Variants in GNA14 observed in about 807,000 individuals in gnomAD.
GNA14 encodes the protein guanine nucleotide-binding protein subunit alpha-14.
GNA14 carries 50 observed loss-of-function variants against 42.0 expected under a neutral mutation model. The ratio of observed to expected loss-of-function variants is 1.19; its 90% CI spans 0.95 to 1.51. The LOEUF (loss-of-function observed/expected upper bound fraction) is 1.51. Ranked by LOEUF, GNA14 falls within the 40% of genes most tolerant of loss-of-function variation. The probability of loss-of-function intolerance (pLI) is 0.00; values close to 1 mark genes in which losing one functional copy is unlikely to be tolerated. For synonymous variants in GNA14, 173 were observed against 163.1 expected (o/e 1.06, Z -0.46); for missense variants, 473 against 446.2 (o/e 1.06, Z -0.54).
chr9:77,635,395 A>C (rs1824167919), intron 1 of GNA14: 1 of 152,180 alleles, frequency 6.6e-6, no homozygotes, highest in Admixed American at 6.5e-5. Context: ...CGCATATAAG[A>C]CCACTTGAAA....
chr9:77,580,779 CATG>C (rs962302112), intron 1 of GNA14, among the ~76,000 whole-genome samples: 8 of 152,292 alleles, frequency 5.3e-5, no homozygotes, highest in African/African-American at 1.9e-4. Context: ...AGGTGTTGTG[CATG>C]ATGTTTGGAT....
At chr9:77,646,166 G>T (rs1344052824) in intron 1 of GNA14, among the ~76,000 whole-genome samples, 1 of 152,110 alleles carries the variant, frequency 6.6e-6, no homozygotes, top group Non-Finnish European at 1.5e-5. Flanking sequence ...CTCCTAGGGG[G>T]GCCTCTTGGG....
chr9:77,449,125 A>G (rs1835867654), intron 2 of GNA14, among the ~76,000 whole-genome samples: 2 of 152,214 alleles, frequency 1.3e-5, no homozygotes, highest in South Asian at 2.1e-4. Context: ...TTGTGTTACA[A>G]CTGCCTACAG....
rs181928213 is a variant in GNA14, at chr9:77,560,766, A to C, written c.125-31513T>G. Among the ~76,000 whole-genome samples the C allele has an allele frequency of 2.0e-3, 312 of 152,330 alleles. 1 individual carries two copies. The highest frequency in any genetic ancestry group is 7.2e-3 in the African/African-American group (301 of 41,578). On this transcript the variant is annotated intron_variant, in intron 1 of 6. Coordinates refer to ENST00000341700, the MANE Select transcript of GNA14 (RefSeq NM_004297.4). Reference sequence around the variant, plus strand: ...GAGTAGCCAAAGCACAGAACTTTGCAGAAAGACAATGCCTAATGCCTCACC... The same window carrying C: ...GAGTAGCCAAAGCACAGAACTTTGCCGAAAGACAATGCCTAATGCCTCACC...
At chr9:77,632,929 T>C (rs937146762) in intron 1 of GNA14, among the ~76,000 whole-genome samples, 2 of 152,180 alleles carry the variant, frequency 1.3e-5, no homozygotes, top group African/African-American at 2.4e-5. Context: ...ACAAGCTCAA[T>C]GGGCCTTAGC....
chr9:77,467,879 C>G (rs1001687612), intron 2 of GNA14, among the ~76,000 whole-genome samples: 6 of 152,014 alleles, frequency 3.9e-5, no homozygotes, highest in African/African-American at 1.4e-4. Flanking sequence ...TTTCTTGCCC[C>G]CTCTTGGCAT....
chr9:77,606,896 TATCTTATTATAAGA>T, intron 1 of GNA14, among the ~76,000 whole-genome samples: 1 of 152,282 alleles, frequency 6.6e-6, no homozygotes, highest in Admixed American at 6.5e-5. Context: ...GGTTGGGATT[TATCTTATTATAAGA>T]ACAGGAAGAG....
intron 2 of GNA14, among the ~76,000 whole-genome samples, chr9:77,510,329 C>A (rs941933688): frequency 2.0e-5 from 3 of 152,046 alleles, no homozygotes; most frequent in African/African-American, 7.2e-5. Context: ...AGTATATGGA[C>A]GTTGCACACT....
At chr9:77,606,736 A>G (rs1376434275) in intron 1 of GNA14, among the ~76,000 whole-genome samples, 1 of 152,006 alleles carries the variant, frequency 6.6e-6, no homozygotes, top group Admixed American at 6.6e-5. Flanking sequence ...AACATCTTCA[A>G]CCTCCTTAAG....
chr9:77,620,161 C>CTAT (rs1287033872), intron 1 of GNA14, among the ~76,000 whole-genome samples: 2 of 152,116 alleles, frequency 1.3e-5, no homozygotes, highest in Non-Finnish European at 2.9e-5. Flanking sequence ...AAGCTTTCCA[C>CTAT]TATTGTTGAA....
Position 77,424,131 on chromosome 9 carries a change from G to T in GNA14, c.916C>A (p.Leu306Met). ...QDVRAARDFI[L>M]KLYQDQNPDK... ...GGATTCTGATCTTGGTAAAGCTTCA[G>T]GATAAAGTCTCTGGCAGCTCTGACA... is the stretch of plus-strand genomic sequence containing the variant. Residue 306 changes from leucine (L) to methionine (M), a missense_variant, in exon 7 of 7, where the codon CTG becomes ATG. Leu to Met is a conservative substitution (Grantham distance 15). Coordinates refer to ENST00000341700, the MANE Select transcript of GNA14 (RefSeq NM_004297.4). 1.9e-6 allele frequency: 3 copies of T among 1,612,528 alleles called. No individual in the cohort carries two copies. The Admixed American group carries it at 5.0e-5, about 27-fold the overall frequency.
In GNA14 at chr9:77,534,748, C is replaced by A. The variant is rs185425845; in HGVS notation, c.125-5495G>T. Among the ~76,000 whole-genome samples, 117 of 152,286 alleles carry A rather than the reference C, an allele frequency of 7.7e-4. 2 individuals carry two copies. The Middle Eastern group carries it at 0.01, about 13-fold the overall frequency. ...CGGATGTGACCAGCAGGTTGGCTCT[C>A]TAAGGACAGGGATCTTTTTTTTTCT... On this transcript the variant is annotated intron_variant, in intron 1 of 6. Coordinates refer to ENST00000341700, the MANE Select transcript of GNA14 (RefSeq NM_004297.4).
Position 77,639,079 on chromosome 9 carries a change from C to T in GNA14, c.124+8591G>A, listed in dbSNP as rs559901577. ...ATTTTAGTTTTTGAGTTTGCCTTTA[C>T]CAATCCATTTAGGAAAAGTTATTTT... On this transcript the variant is annotated intron_variant, in intron 1 of 6. Transcript: ENST00000341700. Among the ~76,000 whole-genome samples the T allele has an allele frequency of 5.9e-5, 9 of 152,318 alleles. No homozygotes were observed. The South Asian group carries it at 1.9e-3, about 32-fold the overall frequency.
At chr9:77,582,885 T>G (rs561388471) in intron 1 of GNA14, among the ~76,000 whole-genome samples, 2 of 152,190 alleles carry the variant, frequency 1.3e-5, no homozygotes, top group Non-Finnish European at 2.9e-5. Flanking sequence ...CTCAGGGAAC[T>G]GGGAAGTCTT....
chr9:77,562,006 T>C lies in GNA14; in HGVS notation c.125-32753A>G, dbSNP rs370673770. Among the ~76,000 whole-genome samples, 12 of 152,326 alleles carry C rather than the reference T, an allele frequency of 7.9e-5. No individual in the cohort carries two copies. The South Asian group carries it at 1.2e-3, about 16-fold the overall frequency. ...AAGCCCAAAAAATCTACCACTGACT[T>C]TCTTTGAAGTGTCAAAGTCTGAAAG... On this transcript the variant is annotated intron_variant, in intron 1 of 6. Coordinates refer to ENST00000341700, the MANE Select transcript of GNA14 (RefSeq NM_004297.4).
intron 1 of GNA14, among the ~76,000 whole-genome samples, chr9:77,577,335 T>TC (rs1163787712): frequency 6.6e-6 from 1 of 152,170 alleles, no homozygotes; most frequent in African/African-American, 2.4e-5. Context: ...AATCCTATGT[T>TC]CCCCTAAATG....
chr9:77,550,154 C>T (rs1837772050), intron 1 of GNA14, among the ~76,000 whole-genome samples: 1 of 152,128 alleles, frequency 6.6e-6, no homozygotes. Flanking sequence ...TGTCTGTGCC[C>T]TGCAAATGTA....
chr9:77,452,979 TAAAC>T (rs760165231), intron 2 of GNA14, among the ~76,000 whole-genome samples: 57 of 151,670 alleles, frequency 3.8e-4, no homozygotes, highest in South Asian at 8.4e-4. Context: ...TAAAAACAAA[TAAAC>T]AAACAAGTAA....
chr9:77,472,217 G>T (rs1418914271), intron 2 of GNA14, among the ~76,000 whole-genome samples: 1 of 152,136 alleles, frequency 6.6e-6, no homozygotes, highest in African/African-American at 2.4e-5. Context: ...TTGGAAAATG[G>T]ACGACAGCAT....
Sources: gnomAD v4.1 joint callset for allele counts (sites outside exome capture counted in the v4.1 genomes callset) on GRCh38, gnomAD v4.1.1 for gene constraint, MANE v1.5 for transcripts, NCBI Gene and HGNC (gene_info 2026-07-23, HGNC 2026-07-21) for gene names.